The following ATP8A2 variants were observed in gnomAD, a reference collection of about 807,000 sequenced individuals.
ATP8A2 encodes ATPase phospholipid transporting 8A2.
Under a neutral mutation model 165.6 loss-of-function variants are expected in ATP8A2, and 100 were observed. That is an observed-to-expected ratio of 0.60 (90% CI 0.51 to 0.71). ATP8A2 has a LOEUF of 0.71. Among genes scored for constraint, ATP8A2 ranks in the 30% least tolerant of loss-of-function variants. The probability of loss-of-function intolerance (pLI) is 0.00; values close to 1 mark genes in which losing one functional copy is unlikely to be tolerated. For missense variants in ATP8A2, 1,227 were observed against 1,479.5 expected, an observed-to-expected ratio of 0.83 and a Z score of 2.80; for synonymous variants, 543 against 548.8, an observed-to-expected ratio of 0.99 and a Z score of 0.15.
At chr13:25,847,653 C>T (rs1309907467) in intron 30 of ATP8A2, among the ~76,000 whole-genome samples, 1 of 152,156 alleles carries the variant, frequency 6.6e-6, no homozygotes, top group African/African-American at 2.4e-5. Context: ...TATTTCTCAC[C>T]CATGTCCCTA....
chr13:25,676,618 A>C (rs1408797757), intron 24 of ATP8A2, among the ~76,000 whole-genome samples: 2 of 152,306 alleles, frequency 1.3e-5, no homozygotes, highest in South Asian at 2.1e-4. Context: ...ACCTGTGCCA[A>C]AGTAAAAAAG....
intron 33 of ATP8A2, among the ~76,000 whole-genome samples, chr13:25,907,396 G>C (rs1458399474): frequency 6.6e-6 from 1 of 151,126 alleles, no homozygotes; most frequent in Non-Finnish European, 1.5e-5. Context: ...AATAAAAGGA[G>C]CTAAGTTAAA....
At chr13:25,450,617 C>A in intron 1 of ATP8A2, among the ~76,000 whole-genome samples, 1 of 151,960 alleles carries the variant, frequency 6.6e-6, no homozygotes, top group Middle Eastern at 3.4e-3. Flanking sequence ...CTGCAAGCTC[C>A]GCCTCCCGGG....
intron 24 of ATP8A2, among the ~76,000 whole-genome samples, chr13:25,617,196 C>G (rs75211240): frequency 6.6e-6 from 1 of 152,094 alleles, no homozygotes; most frequent in Non-Finnish European, 1.5e-5. Flanking sequence ...AATGCCAAAC[C>G]GAATGCAAGC....
chr13:25,957,054 A>G (rs1032124817), intron 33 of ATP8A2, among the ~76,000 whole-genome samples: 1 of 152,214 alleles, frequency 6.6e-6, no homozygotes, highest in Non-Finnish European at 1.5e-5. Context: ...GTGTTGGGAA[A>G]ACTGGCTAGC....
chr13:25,492,863 A>G (rs1037201187), intron 2 of ATP8A2, among the ~76,000 whole-genome samples: 23 of 152,154 alleles, frequency 1.5e-4, no homozygotes, highest in African/African-American at 5.6e-4. Context: ...TGGCAAAAGA[A>G]GAAACTGGCA....
chr13:25,512,646 C>A (rs575757333), intron 2 of ATP8A2, among the ~76,000 whole-genome samples: 7,861 of 143,292 alleles, frequency 0.055, 385 homozygotes, highest in South Asian at 0.1. Context: ...GCTGACCCCC[C>A]ACCTCCCTCC....
intron 2 of ATP8A2, among the ~76,000 whole-genome samples, chr13:25,499,667 A>ATT (rs2036789692): frequency 1.3e-5 from 2 of 152,150 alleles, no homozygotes; most frequent in African/African-American, 2.4e-5. Context: ...TATTATCTCA[A>ATT]ACTCTGCCAA....
intron 10 of ATP8A2, 57 bp downstream of exon 10, chr13:25,543,459 G>A (rs1372896110): frequency 2.5e-6 from 3 of 1,195,538 alleles, no homozygotes; most frequent in Non-Finnish European, 3.7e-6. Context: ...TTATTGACTA[G>A]AAGGTGGAAA....
intron 25 of ATP8A2, chr13:25,705,169 A>G: frequency 2.3e-6 from 1 of 436,060 alleles, no homozygotes; most frequent in Non-Finnish European, 4.6e-6. Flanking sequence ...GAAGGTCTTT[A>G]TTTTTGTCCA....
At chr13:25,514,788 C>T (rs2037411973) in intron 2 of ATP8A2, among the ~76,000 whole-genome samples, 1 of 152,200 alleles carries the variant, frequency 6.6e-6, no homozygotes, top group Non-Finnish European at 1.5e-5. Flanking sequence ...ATTGATGTCT[C>T]ATGAGTCTCC....
At chr13:25,668,413 G>T (rs2042198557) in intron 24 of ATP8A2, among the ~76,000 whole-genome samples, 1 of 152,088 alleles carries the variant, frequency 6.6e-6, no homozygotes, top group Admixed American at 6.6e-5. Flanking sequence ...AGGATTGCTT[G>T]TGTATAATAA....
chr13:25,870,306 C>A (rs926316347), intron 33 of ATP8A2, among the ~76,000 whole-genome samples: 1 of 151,994 alleles, frequency 6.6e-6, no homozygotes, highest in Non-Finnish European at 1.5e-5. Flanking sequence ...AGGATAGGGG[C>A]GTGGCAGGTC....
intron 34 of ATP8A2, among the ~76,000 whole-genome samples, chr13:25,962,499 C>T (rs1286098819): frequency 2.0e-5 from 3 of 152,106 alleles, no homozygotes; most frequent in East Asian, 1.9e-4. Flanking sequence ...ATAAAAGAAG[C>T]GACTAAGTTC....
In ATP8A2 at chr13:25,540,403, G is replaced by C. The variant is rs762855213; in HGVS notation, c.651+15G>C. On this transcript the variant is annotated intron_variant, in intron 8 of 36. Coordinates refer to ENST00000381655, the MANE Select transcript of ATP8A2 (RefSeq NM_016529.6). ...AAATACGTCAGGTAAAGTCACCTCT[G>C]ATGACTTGTGTTGTTATGGTAGACA... 2 of 1,585,982 alleles carry C rather than the reference G, an allele frequency of 1.3e-6. No homozygotes were observed. The highest frequency in any genetic ancestry group is 2.2e-5 in the South Asian group (2 of 90,510).
At chr13:25,560,918 G>A (rs544667161) in intron 15 of ATP8A2, among the ~76,000 whole-genome samples, 7 of 148,858 alleles carry the variant, frequency 4.7e-5, no homozygotes, top group South Asian at 4.2e-4. Context: ...ACGGAGTCTC[G>A]CTCTGTTGCC....
chr13:25,660,813 C>T (rs1008225263), intron 24 of ATP8A2, among the ~76,000 whole-genome samples: 1 of 152,110 alleles, frequency 6.6e-6, no homozygotes, highest in Non-Finnish European at 1.5e-5. Flanking sequence ...CAATACTATA[C>T]GTGGAAATGC....
intron 10 of ATP8A2, among the ~76,000 whole-genome samples, chr13:25,550,212 C>T (rs1480094318): frequency 2.6e-5 from 4 of 151,988 alleles, no homozygotes; most frequent in African/African-American, 9.7e-5. Context: ...AGGCGAGGCA[C>T]AAGAATTGCT....
intron 25 of ATP8A2, among the ~76,000 whole-genome samples, chr13:25,699,990 C>G (rs946304861): frequency 6.6e-6 from 1 of 152,090 alleles, no homozygotes; most frequent in South Asian, 2.1e-4. Context: ...CACCAAAGGT[C>G]ACAGAGAGCT....
Sources: allele counts gnomAD v4.1 joint callset (sites outside exome capture counted in the v4.1 genomes callset), GRCh38; gene constraint gnomAD v4.1.1; transcripts MANE v1.5; gene names NCBI Gene and HGNC (gene_info 2026-07-23, HGNC 2026-07-21).